Variants in PCNT observed in about 807,000 individuals in gnomAD.
PCNT encodes the protein pericentrin, also known as kendrin.
PCNT carries 319 observed loss-of-function variants against 380.4 expected under a neutral mutation model. The observed-to-expected ratio is 0.84, with a 90% CI of 0.77 to 0.92. PCNT has a LOEUF of 0.92. PCNT is among the 40% of genes least tolerant of loss of function. The probability of loss-of-function intolerance (pLI) is 0.00; values close to 1 mark genes in which losing one functional copy is unlikely to be tolerated. For missense variants in PCNT, 4,400 were observed against 4,255.3 expected, an observed-to-expected ratio of 1.03 and a Z score of -0.95; for synonymous variants, 1,845 against 1,735.2, an observed-to-expected ratio of 1.06 and a Z score of -1.57.
Position 46,425,824 on chromosome 21 carries a change from G to T in PCNT, c.7180-7G>T, listed in dbSNP as rs201549624. ...CAACTCCCTTCTGACGCGCTTTCCC[G>T]CCACAGGCTTTACTGCAGATGGTGC... On this transcript the variant is annotated splice_region_variant and splice_polypyrimidine_tract_variant and intron_variant, in intron 32 of 46. Transcript: ENST00000359568. The surrounding 1 kb of genome is among the most constrained non-coding windows in gnomAD (Gnocchi z 4.2). The T allele has an allele frequency of 6.2e-7, 1 of 1,613,322 alleles. No individual in the cohort carries two copies. Among genetic ancestry groups the T allele is most frequent in the East Asian group, 2.2e-5 (1 of 44,854 alleles).
chr21:46,352,083 C>A (rs1202403398), intron 9 of PCNT, among the ~76,000 whole-genome samples: 1 of 152,234 alleles, frequency 6.6e-6, no homozygotes, highest in Non-Finnish European at 1.5e-5. Context: ...TTGGATGGTG[C>A]CTGAGGGCAG....
intron 15 of PCNT, among the ~76,000 whole-genome samples, chr21:46,375,805 C>T (rs2085315717): frequency 1.3e-5 from 2 of 152,268 alleles, no homozygotes; most frequent in African/African-American, 2.4e-5. Flanking sequence ...ATTTGGCCTC[C>T]ACCACCTCCT....
chr21:46,381,196 CTGTGTG>C (rs10523538), intron 15 of PCNT, among the ~76,000 whole-genome samples: 36,971 of 121,340 alleles, frequency 0.3, 6,914 homozygotes, highest in Admixed American at 0.4. Flanking sequence ...AAAAAAATCT[CTGTGTG>C]TGTGTGTGTG....
intron 3 of PCNT, among the ~76,000 whole-genome samples, chr21:46,340,900 T>C (rs1314217007): frequency 6.6e-6 from 1 of 151,922 alleles, no homozygotes; most frequent in Non-Finnish European, 1.5e-5. Flanking sequence ...TCTCGAACTC[T>C]TGAGACGAAG....
rs578162996 is a variant in PCNT, at chr21:46,389,628, A to G, written c.3840+197A>G. On this transcript the variant is annotated intron_variant, in intron 19 of 46. Coordinates refer to ENST00000359568, the MANE Select transcript of PCNT (RefSeq NM_006031.6). ...ATCTGTTTGTTTAATTTGGATAATA[A>G]ACAGGCCCATTTTCTTTACTTCATG... is the stretch of plus-strand genomic sequence containing the variant. Among the ~76,000 whole-genome samples the G allele has an allele frequency of 5.3e-5, 8 of 152,380 alleles. No individual in the cohort carries two copies. The South Asian group carries it at 1.7e-3, about 32-fold the overall frequency.
intron 38 of PCNT, among the ~76,000 whole-genome samples, chr21:46,435,604 G>A (rs760168815): frequency 4.6e-5 from 7 of 151,900 alleles, no homozygotes; most frequent in Non-Finnish European, 7.4e-5. Flanking sequence ...GTGCAGTGGC[G>A]CAATCTCGGC....
intron 21 of PCNT, chr21:46,394,433 G>A: frequency 1.4e-6 from 1 of 717,206 alleles, no homozygotes. Flanking sequence ...TGCCGTCACT[G>A]GTTCTAGCTC....
intron 3 of PCNT, among the ~76,000 whole-genome samples, chr21:46,342,447 C>T (rs2083934810): frequency 6.6e-6 from 1 of 152,058 alleles, no homozygotes; most frequent in African/African-American, 2.4e-5. Flanking sequence ...AGTTTACGTT[C>T]CCACCAGCAG....
chr21:46,406,535 G>A (rs767303525), intron 27 of PCNT, among the ~76,000 whole-genome samples: 2 of 152,138 alleles, frequency 1.3e-5, no homozygotes, highest in Non-Finnish European at 2.9e-5. Flanking sequence ...GGCTTTTTAT[G>A]TATAAGATAA....
intron 27 of PCNT, among the ~76,000 whole-genome samples, chr21:46,403,320 AG>A (rs1569258442): frequency 1.4e-4 from 17 of 125,394 alleles, no homozygotes; most frequent in African/African-American, 4.5e-4. Context: ...ACAGCGTGGG[AG>A]AATTGTGTGT....
chr21:46,376,499 C>T (rs1569219986), intron 15 of PCNT, among the ~76,000 whole-genome samples: 4 of 152,350 alleles, frequency 2.6e-5, no homozygotes, highest in Middle Eastern at 3.4e-3. Flanking sequence ...CTGAGGAGCC[C>T]GTCCACTGTG....
intron 44 of PCNT, chr21:46,442,883 A>T: frequency 1.3e-5 from 5 of 386,952 alleles, no homozygotes; most frequent in South Asian, 8.1e-5. Flanking sequence ...ATCAACTGAA[A>T]CTCACTTCAC....
chr21:46,361,440 A>G (rs1045380851), intron 13 of PCNT, among the ~76,000 whole-genome samples: 1 of 152,236 alleles, frequency 6.6e-6, no homozygotes, highest in African/African-American at 2.4e-5. Flanking sequence ...GTCTTTTATC[A>G]GTACAGTCTA....
intron 17 of PCNT, among the ~76,000 whole-genome samples, chr21:46,386,219 C>T (rs920951652): frequency 1.4e-4 from 22 of 152,344 alleles, no homozygotes; most frequent in African/African-American, 4.8e-4. Context: ...CCCACCCTGC[C>T]TGCTGTGTCT....
chr21:46,363,936 T>G lies in PCNT; in HGVS notation c.2609+2T>G. ...GCAGCTGATGCTGGCCCGGAGCAGG[T>G]GGGTTTGCAGTGACGCCATCTGCAG... On this transcript the variant is annotated splice_donor_variant, in intron 14 of 46. Coordinates refer to ENST00000359568, the MANE Select transcript of PCNT (RefSeq NM_006031.6). LOFTEE classifies it high-confidence loss of function. The G allele has an allele frequency of 1.2e-6, 2 of 1,604,630 alleles. No homozygotes were observed. The highest frequency in any genetic ancestry group is 1.7e-6 in the Non-Finnish European group (2 of 1,179,628).
chr21:46,362,567 A>G (rs114257800), intron 13 of PCNT, among the ~76,000 whole-genome samples: 67 of 152,158 alleles, frequency 4.4e-4, no homozygotes, highest in African/African-American at 1.5e-3. Context: ...GTTGAGGTCA[A>G]TCTTACGTGC....
intron 10 of PCNT, among the ~76,000 whole-genome samples, chr21:46,353,749 T>A (rs762567859): frequency 1.1e-4 from 11 of 100,228 alleles, no homozygotes; most frequent in South Asian, 2.8e-4. Flanking sequence ...TGTGTGTGTG[T>A]GTGAGAGAGA....
In PCNT at chr21:46,431,010, C is replaced by T; in HGVS notation, c.8064+353C>T. On this transcript the variant is annotated intron_variant, in intron 37 of 46. Coordinates refer to ENST00000359568, the MANE Select transcript of PCNT (RefSeq NM_006031.6). The stretch of plus-strand genomic sequence containing the variant: ...AGGCAGGCTGGTGGTGGGGCCTCTG[C>T]TTTGCATGGCGGAGGCCCAGCAGGC... 1.1e-5 allele frequency: 11 copies of T among 985,462 alleles called. No individual in the cohort carries two copies. The South Asian group carries it at 4.2e-4, about 38-fold the overall frequency. The allele number at this position is 985,462 out of a possible 1,614,324, so 61.0% of individuals were successfully genotyped here. A position where few individuals can be genotyped will look rare whatever the true frequency, so the allele number is the denominator to read the frequency against.
At chr21:46,391,120 C>T (rs1178030307) in intron 20 of PCNT, 44 bp from the exon 21 acceptor site, 6 of 1,515,818 alleles carry the variant, frequency 4.0e-6, no homozygotes, top group Non-Finnish European at 3.6e-6. Context: ...TCCTCAGTTA[C>T]ACCCAGGACT....
Sources: gnomAD v4.1 joint callset for allele counts (sites outside exome capture counted in the v4.1 genomes callset) on GRCh38, gnomAD v4.1.1 for gene constraint, Gnocchi (gnomAD v3.1) non-coding constraint, MANE v1.5 for transcripts, NCBI Gene and HGNC (gene_info 2026-07-23, HGNC 2026-07-21) for gene names.